POLI: variants seen among roughly 807,000 people sequenced by gnomAD.
POLI encodes DNA polymerase iota, also known as RAD30 homolog B.
In POLI, 58 loss-of-function variants were observed where a neutral mutation model predicts 51.6. The ratio of observed to expected loss-of-function variants is 1.12; its 90% CI spans 0.91 to 1.40. The LOEUF is 1.40. Among genes scored for constraint, POLI ranks in the 40% most tolerant of loss-of-function variants. POLI has a pLI of 0.00. For synonymous variants in POLI, 322 were observed against 299.7 expected (o/e 1.07, Z -0.77); for missense variants, 921 against 871.3 (o/e 1.06, Z -0.72).
intron 8 of POLI, among the ~76,000 whole-genome samples, chr18:54,290,634 G>T (rs1464063191): frequency 6.6e-6 from 1 of 152,168 alleles, no homozygotes; most frequent in Non-Finnish European, 1.5e-5. Flanking sequence ...ATACATCATG[G>T]AATACTATGC....
chr18:54,300,291 G>C (rs549593317), downstream of POLI, among the ~76,000 whole-genome samples: 1 of 152,092 alleles, frequency 6.6e-6, no homozygotes, highest in South Asian at 2.1e-4. Flanking sequence ...AAATGTAACA[G>C]TACAAAGGCC....
intron 3 of POLI, among the ~76,000 whole-genome samples, chr18:54,310,448 T>A (rs372757744): frequency 1.3e-5 from 2 of 151,890 alleles, no homozygotes; most frequent in African/African-American, 2.4e-5. Flanking sequence ...TAGTGTGGAA[T>A]TCTCTCTTAT....
chr18:54,294,487 C>A lies in POLI; in HGVS notation c.*20C>A. 6.4e-7 allele frequency: 1 copy of A among 1,557,004 alleles called. No individual in the cohort carries two copies. Among genetic ancestry groups the A allele is most frequent in the South Asian group, 1.2e-5 (1 of 80,298 alleles). On this transcript the variant is annotated 3_prime_UTR_variant, in exon 10 of 10. Transcript: ENST00000579534. ...AAATAAGCATATTCAGCAAAAAGGTCTGAAAAGCAAGGGAATACCATTATT... is the reference window on the plus strand; with the variant it reads ...AAATAAGCATATTCAGCAAAAAGGTATGAAAAGCAAGGGAATACCATTATT...
chr18:54,304,820 A>T (rs1196099371), intron 3 of POLI, among the ~76,000 whole-genome samples: 1 of 152,120 alleles, frequency 6.6e-6, no homozygotes. Context: ...GGTGTTTTAG[A>T]CATGAAGTCC....
At chr18:54,313,343 G>A (rs543228658) in intron 3 of POLI, among the ~76,000 whole-genome samples, 114 of 152,036 alleles carry the variant, frequency 7.5e-4, no homozygotes, top group Admixed American at 7.0e-3. Context: ...TTCTATTTTC[G>A]TTTCTGTAAC....
At position 54,295,491 on chromosome 18, in the gene POLI, A is replaced by G; in HGVS notation, c.*1024A>G. ...ATATACTAAAGTATCCCTCAGCACC[A>G]ATATGGGAGTATCCTGGTCTCAAGT... On this transcript the variant is annotated 3_prime_UTR_variant, in exon 10 of 10. Transcript: ENST00000579534. The G allele has an allele frequency of 1.1e-6, 1 of 950,628 alleles. No homozygotes were observed. The highest frequency in any genetic ancestry group is 1.3e-6 in the Non-Finnish European group (1 of 798,292). The allele number at this position is 950,628 out of a possible 1,614,324, so 58.9% of individuals were successfully genotyped here. A position where few individuals can be genotyped will look rare whatever the true frequency, so the allele number is the denominator to read the frequency against.
At chr18:54,307,025 C>A (rs1241564851) in intron 3 of POLI, among the ~76,000 whole-genome samples, 1 of 152,136 alleles carries the variant, frequency 6.6e-6, no homozygotes, top group African/African-American at 2.4e-5. Context: ...CAAAATTGAT[C>A]TTCTCAAAAA....
intron 5 of POLI, among the ~76,000 whole-genome samples, chr18:54,281,488 TAA>T (rs753694580): frequency 6.6e-5 from 10 of 152,180 alleles, no homozygotes; most frequent in Non-Finnish European, 1.5e-4. Context: ...TAAGATGTTA[TAA>T]AAGAGTTCTG....
rs2086905514 is a variant in POLI at position 54,269,592 on chromosome 18, GAC to G, written c.47_48del (p.Asp16GlyfsTer26). 4 of 1,499,898 alleles carry G rather than the reference GAC, an allele frequency of 2.7e-6. No individual in the cohort carries two copies. The highest frequency in any genetic ancestry group is 3.5e-6 in the Non-Finnish European group (4 of 1,127,980). 92.9% of individuals were successfully genotyped at this position (1,499,898 alleles called of 1,614,324 possible). On this transcript the variant is annotated frameshift_variant, in exon 1 of 10. Coordinates refer to ENST00000579534, the MANE Select transcript of POLI (RefSeq NM_007195.3). LOFTEE classifies it high-confidence loss of function. Reference protein sequence around the residue: ...VEPEEEGGGDDDEEDAEAWAM... With the variant: ...VEPEEEGGGDXDEEDAEAWAM... ...GCCGGAGGAGGAAGGCGGCGGCGACGACGACGAGGAAGACGCCGAGGCCTGGG... is the reference window on the plus strand; with the variant it reads ...GCCGGAGGAGGAAGGCGGCGGCGACGGACGAGGAAGACGCCGAGGCCTGGG...
At chr18:54,304,162 G>A (rs967635488) in intron 3 of POLI, among the ~76,000 whole-genome samples, 1 of 152,114 alleles carries the variant, frequency 6.6e-6, no homozygotes, top group African/African-American at 2.4e-5. Context: ...GTCTATCATT[G>A]ATGGACATTT....
At chr18:54,284,193 G>T in intron 7 of POLI, 180 bp downstream of exon 7, 1 of 420,688 alleles carries the variant, frequency 2.4e-6, no homozygotes, top group Non-Finnish European at 4.3e-6. Context: ...GTAATAGGGG[G>T]TCTTACCTAA....
chr18:54,291,962 C>T lies in POLI; in HGVS notation c.1328C>T (p.Thr443Ile). The change falls in exon 9 of 10, where the codon ACT (threonine) becomes ATT (isoleucine). Residue 443 changes from threonine (T) to isoleucine (I), a missense_variant. Physicochemically the swap from Thr to Ile is moderately conservative, Grantham distance 89. Coordinates refer to ENST00000579534, the MANE Select transcript of POLI (RefSeq NM_007195.3). ...TTCTGCAACCTTAAAGCACTAAATA[C>T]TGCTAAGAAAGGGCTTATTGATTAT... is the stretch of plus-strand genomic sequence containing the variant. ...VCFCNLKALN[T>I]AKKGLIDYYL... 3 of 1,610,014 alleles carry T rather than the reference C, an allele frequency of 1.9e-6. 1 individual carries two copies. The highest frequency in any genetic ancestry group is 2.2e-5 in the South Asian group (2 of 90,960).
intron 3 of POLI, among the ~76,000 whole-genome samples, chr18:54,317,998 CA>C (rs1315224362): frequency 6.6e-6 from 1 of 151,874 alleles, no homozygotes; most frequent in African/African-American, 2.4e-5. Flanking sequence ...ATTTAATGTC[CA>C]AAAAAATTAG....
downstream of POLI, among the ~76,000 whole-genome samples, chr18:54,300,531 A>G (rs2088472836): frequency 6.6e-6 from 1 of 152,116 alleles, no homozygotes; most frequent in African/African-American, 2.4e-5. Flanking sequence ...TCAATCCCCA[A>G]AAAAAGCTTA....
In POLI at chr18:54,297,435, C is replaced by T; in HGVS notation, c.*2968C>T. 3 of 981,444 alleles carry T rather than the reference C, an allele frequency of 3.1e-6. No individual in the cohort carries two copies. The highest frequency in any genetic ancestry group is 3.6e-6 in the Non-Finnish European group (3 of 826,506). The allele number at this position is 981,444 out of a possible 1,614,324, so 60.8% of individuals were successfully genotyped here. On this transcript the variant is annotated 3_prime_UTR_variant, in exon 10 of 10. Transcript: ENST00000579534. ...ATTTCCCTTATATGGTACAAACCAG[C>T]AATGAATTAAGAGGTCTCTTTTCTC... is the stretch of plus-strand genomic sequence containing the variant.
intron 7 of POLI, chr18:54,284,848 A>AT (rs2087676833): frequency 6.6e-6 from 1 of 152,202 alleles, no homozygotes; most frequent in African/African-American, 2.4e-5. Context: ...GCTCCTTGTC[A>AT]TTATACATGT....
At chr18:54,306,540 T>TC (rs199604429) in intron 3 of POLI, among the ~76,000 whole-genome samples, 1 of 151,924 alleles carries the variant, frequency 6.6e-6, no homozygotes, top group African/African-American at 2.4e-5. Flanking sequence ...ATTCTCTTTT[T>TC]TGTGTGTGTC....
intron 3 of POLI, chr18:54,320,241 T>C (rs1287905779): frequency 2.0e-5 from 3 of 152,288 alleles, no homozygotes; most frequent in African/African-American, 7.2e-5. Context: ...CCTTCCAGCT[T>C]CTCCCCCACT....
chr18:54,306,085 G>A (rs1008067929), intron 3 of POLI, among the ~76,000 whole-genome samples: 2 of 152,112 alleles, frequency 1.3e-5, no homozygotes, highest in African/African-American at 4.8e-5. Context: ...TTGCCTGATT[G>A]CCCTGGCCAG....
Sources: allele counts gnomAD v4.1 joint callset (sites outside exome capture counted in the v4.1 genomes callset), GRCh38; gene constraint gnomAD v4.1.1; transcripts MANE v1.5; gene names NCBI Gene and HGNC (gene_info 2026-07-23, HGNC 2026-07-21).